The following ARHGEF10 variants were observed in gnomAD, a reference collection of about 807,000 sequenced individuals.
ARHGEF10 encodes Rho guanine nucleotide exchange factor (GEF) 10.
Under a neutral mutation model 147.4 loss-of-function variants are expected in ARHGEF10, and 140 were observed. That is an observed-to-expected ratio of 0.95 (90% CI 0.83 to 1.09). ARHGEF10 has a LOEUF of 1.09. Ranked by LOEUF, ARHGEF10 falls within the 50% of genes least tolerant of loss-of-function variation. ARHGEF10 has a pLI of 0.00. For missense variants in ARHGEF10, 2,222 were observed against 1,752.7 expected (o/e 1.27, Z -4.78); for synonymous variants, 902 against 695.8 (o/e 1.30, Z -4.67).
chr8:1,941,871 G>T lies in ARHGEF10; in HGVS notation c.3223-3610G>T, dbSNP rs142027953. On this transcript the variant is annotated intron_variant, in intron 26 of 28. Coordinates refer to ENST00000349830, the MANE Select transcript of ARHGEF10 (RefSeq NM_014629.4). ...ATGTTGAATGGCCTCTTCAACAGGTGCTGCTGGCACAACAGGTGCTGCTGG... is the reference window on the plus strand; with the variant it reads ...ATGTTGAATGGCCTCTTCAACAGGTTCTGCTGGCACAACAGGTGCTGCTGG... Among the ~76,000 whole-genome samples, 291 of 150,920 alleles carry T rather than the reference G, an allele frequency of 1.9e-3. 2 individuals are homozygous for T. The highest frequency in any genetic ancestry group is 4.8e-3 in the Admixed American group (73 of 15,238).
chr8:1,859,432 C>T (rs989017353), intron 3 of ARHGEF10, among the ~76,000 whole-genome samples: 2 of 144,768 alleles, frequency 1.4e-5, no homozygotes, highest in Non-Finnish European at 3.0e-5. Context: ...TGCGCAGCAC[C>T]CGCCTCTCTG....
chr8:1,831,751 C>A (rs544045550), intron 1 of ARHGEF10, among the ~76,000 whole-genome samples: 1 of 152,220 alleles, frequency 6.6e-6, no homozygotes, highest in Non-Finnish European at 1.5e-5. Context: ...GTGCACTGCT[C>A]GCTCCTGGAC....
intron 9 of ARHGEF10, among the ~76,000 whole-genome samples, chr8:1,881,962 C>T (rs184871231): frequency 1.9e-4 from 29 of 152,298 alleles, no homozygotes; most frequent in Admixed American, 1.2e-3. Context: ...TGGCAGGAGA[C>T]GCCTCAGACG....
intron 15 of ARHGEF10, among the ~76,000 whole-genome samples, chr8:1,901,789 A>G (rs2129171730): frequency 6.6e-6 from 1 of 152,358 alleles, no homozygotes; most frequent in Middle Eastern, 3.4e-3. Context: ...TTGCCTTGAT[A>G]GAATTCGTTG....
intron 23 of ARHGEF10, 66 bp from the exon 24 acceptor site, chr8:1,928,361 G>C: frequency 4.1e-6 from 6 of 1,473,930 alleles, no homozygotes; most frequent in Non-Finnish European, 5.7e-6. Context: ...TAAGGGTCAG[G>C]TTCCAGCGTA....
At chr8:1,844,152 G>C (rs531566896) in intron 2 of ARHGEF10, among the ~76,000 whole-genome samples, 155 of 152,286 alleles carry the variant, frequency 1.0e-3, no homozygotes, top group African/African-American at 3.4e-3. Context: ...TGATGGAGCT[G>C]TGGAGGTCAC....
At position 1,947,567 on chromosome 8, in the gene ARHGEF10, T is replaced by C. The variant is rs1585648343; in HGVS notation, c.3397+1912T>C. ...CCCAACAGCACTCACGCCCAGGCTA[T>C]GAAAAGCAAAGCAGGATAGGAAAGC... On this transcript the variant is annotated intron_variant, in intron 27 of 28. Transcript: ENST00000349830. 2.0e-5 allele frequency among the ~76,000 whole-genome samples: 3 copies of C among 152,088 alleles called. No individual in the cohort carries two copies. In the South Asian group the frequency reaches 6.2e-4, roughly 32 times the overall value.
intron 28 of ARHGEF10, among the ~76,000 whole-genome samples, chr8:1,955,922 G>C (rs772747232): frequency 3.3e-5 from 5 of 152,232 alleles, no homozygotes; most frequent in African/African-American, 4.8e-5. Flanking sequence ...GCTCCCTGCA[G>C]ACTTCACTTT....
At position 1,834,067 on chromosome 8, in the gene ARHGEF10, C is replaced by T. The variant is rs535916225; in HGVS notation, c.-47-9286C>T. Among the ~76,000 whole-genome samples, 338 of 152,304 alleles carry T rather than the reference C, an allele frequency of 2.2e-3. 2 individuals carry two copies. The highest frequency in any genetic ancestry group is 7.0e-3 in the African/African-American group (290 of 41,580). On this transcript the variant is annotated intron_variant, in intron 1 of 28. Coordinates refer to ENST00000349830, the MANE Select transcript of ARHGEF10 (RefSeq NM_014629.4). ...GCTGCGACTGCAGAGGCCTGGGGCACGCAGCTGTCTGGACACCACCCTCAC... is the reference window on the plus strand; with the variant it reads ...GCTGCGACTGCAGAGGCCTGGGGCATGCAGCTGTCTGGACACCACCCTCAC...
At chr8:1,901,660 G>C (rs1810472769) in intron 15 of ARHGEF10, among the ~76,000 whole-genome samples, 1 of 152,232 alleles carries the variant, frequency 6.6e-6, no homozygotes, top group Admixed American at 6.5e-5. Flanking sequence ...GTGCTCAGTG[G>C]CCCCACGGCA....
At chr8:1,947,975 C>T (rs148510591) in intron 27 of ARHGEF10, among the ~76,000 whole-genome samples, 162 of 152,118 alleles carry the variant, frequency 1.1e-3, no homozygotes, top group African/African-American at 3.6e-3. Flanking sequence ...GACCCCTTGC[C>T]GGCTGCTCAG....
intron 1 of ARHGEF10, among the ~76,000 whole-genome samples, chr8:1,838,194 G>T (rs1379837889): frequency 2.6e-5 from 4 of 152,198 alleles, no homozygotes; most frequent in Admixed American, 2.6e-4. Context: ...AACAGGCCTG[G>T]ACTCCATCTC....
intron 19 of ARHGEF10, 99 bp downstream of exon 19, chr8:1,923,178 ATT>A (rs1812428520): frequency 7.0e-6 from 7 of 1,005,614 alleles, no homozygotes; most frequent in Non-Finnish European, 1.1e-5. Flanking sequence ...GTGAGAATTC[ATT>A]TTGACTTTAA....
chr8:1,860,944 G>A (rs569026855), intron 4 of ARHGEF10, among the ~76,000 whole-genome samples: 8 of 152,258 alleles, frequency 5.3e-5, no homozygotes, highest in African/African-American at 9.6e-5. Flanking sequence ...GCTTTTCCTC[G>A]CCGGGAAGAT....
chr8:1,839,912 G>C (rs1238179761), intron 1 of ARHGEF10, among the ~76,000 whole-genome samples: 87 of 114,380 alleles, frequency 7.6e-4, no homozygotes, highest in African/African-American at 1.8e-3. Flanking sequence ...CCGGTGTGGG[G>C]ACTGTCCGGT....
At position 1,946,200 on chromosome 8, in the gene ARHGEF10, G is replaced by A. The variant is rs758460906; in HGVS notation, c.3397+545G>A. Among the ~76,000 whole-genome samples the A allele has an allele frequency of 2.1e-4, 32 of 152,314 alleles. 1 individual carries two copies. The highest frequency in any genetic ancestry group is 1.0e-3 in the South Asian group (5 of 4,826). On this transcript the variant is annotated intron_variant, in intron 27 of 28. Transcript: ENST00000349830. ...GGATGGAGGAAAGAAATGAGGAGGG[G>A]GCCCAACCGGCTTCTTTCACGGGTA...
At chr8:1,909,555 C>T in intron 18 of ARHGEF10, 85 bp downstream of exon 18, 1 of 1,557,838 alleles carries the variant, frequency 6.4e-7, no homozygotes, top group East Asian at 2.3e-5. Context: ...GCGTAAGCTC[C>T]ACCATCAGCA....
chr8:1,950,519 ATTAT>A (rs566404844), intron 27 of ARHGEF10, among the ~76,000 whole-genome samples: 14 of 151,364 alleles, frequency 9.2e-5, no homozygotes, highest in African/African-American at 1.7e-4. Flanking sequence ...TACCCTTTTT[ATTAT>A]TTATTTATTT....
chr8:1,949,372 A>C (rs1415679492), intron 27 of ARHGEF10, among the ~76,000 whole-genome samples: 1 of 152,196 alleles, frequency 6.6e-6, no homozygotes, highest in Non-Finnish European at 1.5e-5. Context: ...CAGTTGATGA[A>C]GGTCTGTGAT....
Sources: allele counts gnomAD v4.1 joint callset (sites outside exome capture counted in the v4.1 genomes callset), GRCh38; gene constraint gnomAD v4.1.1; transcripts MANE v1.5; gene names NCBI Gene and HGNC (gene_info 2026-07-23, HGNC 2026-07-21).